Variants in COPZ1 observed in about 807,000 individuals in gnomAD.
The protein encoded by COPZ1 is coatomer subunit zeta-1.
In COPZ1, 4 loss-of-function variants were observed where a neutral mutation model predicts 31.7. That is an observed-to-expected ratio of 0.13 (90% CI 0.06 to 0.29). The LOEUF (loss-of-function observed/expected upper bound fraction) is 0.29. COPZ1 is among the 10% of genes least tolerant of loss of function. The probability of loss-of-function intolerance (pLI) is 1.00; values close to 1 mark genes in which losing one functional copy is unlikely to be tolerated. For synonymous variants in COPZ1, 74 were observed against 79.0 expected (o/e 0.94, Z 0.33); for missense variants, 156 against 211.5 (o/e 0.74, Z 1.63).
intron 1 of COPZ1, among the ~76,000 whole-genome samples, chr12:54,338,222 A>G (rs1953906473): frequency 1.3e-5 from 2 of 152,244 alleles, no homozygotes; most frequent in Admixed American, 6.5e-5. Context: ...GTGGGAAAAA[A>G]TGATTTCGTC....
intron 1 of COPZ1, among the ~76,000 whole-genome samples, chr12:54,329,244 G>A (rs6580981): frequency 0.6 from 91,906 of 151,926 alleles, 29,751 homozygotes; most frequent in African/African-American, 0.82. Flanking sequence ...TTAATAACCT[G>A]TGGAATCTTA....
At chr12:54,326,146 A>G (rs1417831912) in intron 1 of COPZ1, among the ~76,000 whole-genome samples, 2 of 138,366 alleles carry the variant, frequency 1.4e-5, no homozygotes, top group African/African-American at 2.7e-5. Flanking sequence ...TATTATTATT[A>G]TTATTATTTT....
chr12:54,340,413 A>G, intron 1 of COPZ1, 134 bp from the exon 2 acceptor site: 1 of 1,411,806 alleles, frequency 7.1e-7, no homozygotes, highest in East Asian at 2.5e-5. Context: ...TCAAAATCTG[A>G]CCAAGTTGAG....
intron 1 of COPZ1, among the ~76,000 whole-genome samples, chr12:54,331,243 T>C (rs1953747395): frequency 6.9e-6 from 1 of 145,042 alleles, no homozygotes; most frequent in Non-Finnish European, 1.5e-5. Context: ...TGCAATGGCA[T>C]GATCTTGGCT....
rs1565593933 is a variant in COPZ1, at chr12:54,340,551, C to T, written c.23C>T (p.Pro8Leu). ...GGTATGTTCGTATCTCTTCAGGAAC[C>T]TTCCCTGTATACTGTCAAAGCCATC... is the stretch of plus-strand genomic sequence containing the variant. MEALILE[P>L]SLYTVKAILI... The change falls in exon 2 of 9, where the codon CCT (proline) becomes CTT (leucine). Residue 8 changes from proline to leucine, a missense_variant. By Grantham distance (98) the Pro-to-Leu change is moderately conservative (BLOSUM62 -3). Transcript: ENST00000262061. 1 of 1,614,022 alleles carries T rather than the reference C, an allele frequency of 6.2e-7. No individual in the cohort carries two copies. Among genetic ancestry groups the T allele is most frequent in the South Asian group, 1.1e-5 (1 of 91,058 alleles).
At chr12:54,333,080 ATCCAGGCTGG>A (rs1275260496) in intron 1 of COPZ1, among the ~76,000 whole-genome samples, 1 of 152,100 alleles carries the variant, frequency 6.6e-6, no homozygotes, top group Non-Finnish European at 1.5e-5. Flanking sequence ...TTGCTCTGTC[ATCCAGGCTGG>A]AGTGCAGTGG....
intron 1 of COPZ1, among the ~76,000 whole-genome samples, chr12:54,329,787 C>T (rs1384142484): frequency 2.6e-5 from 4 of 152,070 alleles, no homozygotes; most frequent in Non-Finnish European, 5.9e-5. Flanking sequence ...AAAAATCAGG[C>T]CATCCAAAGT....
chr12:54,337,683 A>C (rs949701604), intron 1 of COPZ1, among the ~76,000 whole-genome samples: 5 of 152,192 alleles, frequency 3.3e-5, no homozygotes, highest in African/African-American at 9.6e-5. Flanking sequence ...AGAATGGAGA[A>C]TTGAAGCGGC....
At chr12:54,346,510 T>C in intron 5 of COPZ1, 1 of 619,374 alleles carries the variant, frequency 1.6e-6, no homozygotes, top group Non-Finnish European at 2.9e-6. Flanking sequence ...TGACCTCAAA[T>C]GATCCACCTA....
intron 7 of COPZ1, among the ~76,000 whole-genome samples, chr12:54,348,513 C>T (rs868795894): frequency 6.6e-6 from 1 of 151,940 alleles, no homozygotes. Flanking sequence ...CCGAGGCTGG[C>T]GGATCACAAG....
chr12:54,325,814 T>G (rs1462508687), intron 1 of COPZ1: 61 of 145,164 alleles, frequency 4.2e-4, no homozygotes, highest in Admixed American at 4.2e-3. Context: ...TAGGAATTCT[T>G]TTTTTTTTTT....
At chr12:54,349,767 A>G (rs138700486) in intron 8 of COPZ1, 109 bp downstream of exon 8, 4 of 934,800 alleles carry the variant, frequency 4.3e-6, no homozygotes, top group Non-Finnish European at 7.1e-6. Context: ...CTCAAGACAC[A>G]TCTTCCTTGG....
intron 1 of COPZ1, among the ~76,000 whole-genome samples, chr12:54,336,759 C>T (rs1041249024): frequency 6.6e-6 from 1 of 151,860 alleles, no homozygotes; most frequent in African/African-American, 2.4e-5. Context: ...CACGGTGGCT[C>T]ACGCCTGTAA....
chr12:54,350,057 G>A (rs1211265310), intron 8 of COPZ1: 1 of 600,462 alleles, frequency 1.7e-6, no homozygotes, highest in East Asian at 2.7e-5. Flanking sequence ...TGCAGGTTTT[G>A]CAGATCCATC....
chr12:54,334,622 G>C (rs1259561799), intron 1 of COPZ1, among the ~76,000 whole-genome samples: 1 of 152,082 alleles, frequency 6.6e-6, no homozygotes, highest in Non-Finnish European at 1.5e-5. Context: ...GGGAGGATGA[G>C]GCGGGTGGAT....
chr12:54,332,155 C>T (rs1481825229), intron 1 of COPZ1, among the ~76,000 whole-genome samples: 1 of 151,340 alleles, frequency 6.6e-6, no homozygotes, highest in Non-Finnish European at 1.5e-5. Flanking sequence ...AAACCCGTCT[C>T]TACCAAAAAT....
At chr12:54,335,465 G>GT (rs1953843136) in intron 1 of COPZ1, among the ~76,000 whole-genome samples, 1 of 151,150 alleles carries the variant, frequency 6.6e-6, no homozygotes, top group Admixed American at 6.6e-5. Context: ...CTGGAGTGCA[G>GT]TGGTGCGATC....
chr12:54,342,362 G>A, intron 3 of COPZ1, 75 bp downstream of exon 3: 1 of 1,051,842 alleles, frequency 9.5e-7, no homozygotes, highest in Admixed American at 1.7e-5. Flanking sequence ...CAGGGCTGCA[G>A]AGAAAGGATG....
In COPZ1 at chr12:54,325,191, G is replaced by A. The variant is rs377299842; in HGVS notation, c.18+10G>A. On this transcript the variant is annotated intron_variant, in intron 1 of 8. Coordinates refer to ENST00000262061, the MANE Select transcript of COPZ1 (RefSeq NM_016057.3). ...GGAGGCGCTGATTTTGGTAGGAGCT[G>A]GAGGGGCAGCAGAGATGCTGTGGTG... 1.3e-6 allele frequency: 2 copies of A among 1,559,202 alleles called. No homozygotes were observed. The highest frequency in any genetic ancestry group is 1.7e-6 in the Non-Finnish European group (2 of 1,151,962).
Sources: allele counts gnomAD v4.1 joint callset (sites outside exome capture counted in the v4.1 genomes callset), GRCh38; gene constraint gnomAD v4.1.1; transcripts MANE v1.5; gene names NCBI Gene and HGNC (gene_info 2026-07-23, HGNC 2026-07-21).